PTPRD: variants seen among roughly 807,000 people sequenced by gnomAD.
The protein encoded by PTPRD is protein tyrosine phosphatase receptor type D.
In PTPRD, 34 loss-of-function variants were observed where a neutral mutation model predicts 214.5. That is an observed-to-expected ratio of 0.16 (90% CI 0.12 to 0.21). The LOEUF (loss-of-function observed/expected upper bound fraction) is 0.21, where lower values mean the gene tolerates loss of function less well. PTPRD is among the 10% of genes least tolerant of loss of function. The pLI is 1.00. For synonymous variants in PTPRD, 1,128 were observed against 845.7 expected (o/e 1.33, Z -5.79); for missense variants, 2,545 against 2,398.7 (o/e 1.06, Z -1.27).
intron 5 of PTPRD, among the ~76,000 whole-genome samples, chr9:9,912,722 G>C (rs1378702869): frequency 6.6e-6 from 1 of 152,110 alleles, no homozygotes; most frequent in Non-Finnish European, 1.5e-5. Context: ...ATAAAATGAT[G>C]TCAGAAGCCA....
intron 8 of PTPRD, among the ~76,000 whole-genome samples, chr9:9,411,955 C>A (rs181032146): frequency 2.2e-4 from 33 of 152,310 alleles, no homozygotes; most frequent in African/African-American, 7.7e-4. Context: ...AGTGAAGAAA[C>A]TGAGGCCAGG....
intron 3 of PTPRD, among the ~76,000 whole-genome samples, chr9:10,223,219 C>G (rs183450191): frequency 1.3e-5 from 2 of 151,992 alleles, no homozygotes; most frequent in Non-Finnish European, 2.9e-5. Flanking sequence ...TCCCCCTTCT[C>G]CCCTTCCTCT....
At chr9:8,726,045 AC>A (rs1164406473) in intron 12 of PTPRD, among the ~76,000 whole-genome samples, 186 of 147,106 alleles carry the variant, frequency 1.3e-3, no homozygotes, top group Admixed American at 3.9e-3. Context: ...ACACACACAC[AC>A]ACACACACAC....
At chr9:10,116,281 G>A (rs149030431) in intron 3 of PTPRD, among the ~76,000 whole-genome samples, 2 of 152,148 alleles carry the variant, frequency 1.3e-5, no homozygotes, top group African/African-American at 4.8e-5. Context: ...TAGTGTTTAT[G>A]CTTCTATTGC....
intron 8 of PTPRD, among the ~76,000 whole-genome samples, chr9:9,427,969 T>C (rs2081618898): frequency 6.6e-6 from 1 of 152,122 alleles, no homozygotes; most frequent in Admixed American, 6.5e-5. Context: ...TGCCGAATTG[T>C]AAAGACCATC....
intron 2 of PTPRD, among the ~76,000 whole-genome samples, chr9:10,507,262 T>C (rs201160448): frequency 3.3e-5 from 5 of 151,974 alleles, no homozygotes; most frequent in African/African-American, 7.2e-5. Flanking sequence ...ACCTCTTCAA[T>C]GATAACTACA....
At chr9:9,776,649 T>G (rs774960289) in intron 5 of PTPRD, among the ~76,000 whole-genome samples, 76 of 152,194 alleles carry the variant, frequency 5.0e-4, no homozygotes, top group Non-Finnish European at 7.6e-4. Context: ...AAAAAGAACA[T>G]GCTAGTTTAA....
At chr9:9,163,017 G>C (rs973394458) in intron 10 of PTPRD, among the ~76,000 whole-genome samples, 1 of 151,822 alleles carries the variant, frequency 6.6e-6, no homozygotes, top group East Asian at 1.9e-4. Flanking sequence ...GCCTCCTTCC[G>C]CACCAGCTTC....
At chr9:9,513,046 A>G (rs180676480) in intron 8 of PTPRD, among the ~76,000 whole-genome samples, 106 of 152,010 alleles carry the variant, frequency 7.0e-4, no homozygotes, top group Admixed American at 5.3e-3. Context: ...CACATCTACT[A>G]CTGGCCTGTA....
chr9:8,347,123 C>T (rs974220112), intron 39 of PTPRD, among the ~76,000 whole-genome samples: 11 of 152,006 alleles, frequency 7.2e-5, no homozygotes, highest in Non-Finnish European at 1.2e-4. Context: ...TGCTGGTGAT[C>T]GTCTCTCTCT....
chr9:10,561,672 T>C (rs1351938109), intron 2 of PTPRD, among the ~76,000 whole-genome samples: 1 of 152,164 alleles, frequency 6.6e-6, no homozygotes, highest in African/African-American at 2.4e-5. Context: ...GTCTTCATTT[T>C]CTATTTTGTG....
rs1166180952 is a variant in PTPRD at position 8,795,765 on chromosome 9, TAA to T, written c.-103-61821_-103-61820del. ...TATGAAGTGGAAACGCGTAAAATTC[TAA>T]AGTCAAAGTTATCTAAAGCAATCTA... On this transcript the variant is annotated intron_variant, in intron 11 of 45. Transcript: ENST00000381196. 5.9e-5 allele frequency among the ~76,000 whole-genome samples: 9 copies of T among 152,220 alleles called. No individual in the cohort carries two copies. In the South Asian group the frequency reaches 1.7e-3, roughly 28 times the overall value.
chr9:9,802,655 A>T (rs868852704), intron 5 of PTPRD, among the ~76,000 whole-genome samples: 9 of 151,710 alleles, frequency 5.9e-5, no homozygotes, highest in Admixed American at 1.3e-4. Flanking sequence ...TTTTTTTTTA[A>T]AAAAAATTCA....
intron 12 of PTPRD, among the ~76,000 whole-genome samples, chr9:8,675,559 A>C (rs1386241847): frequency 1.3e-5 from 2 of 149,986 alleles, no homozygotes; most frequent in Admixed American, 6.7e-5. Context: ...AAAAAAAAAA[A>C]AAAACCTCAC....
chr9:9,040,284 G>A (rs958764852), intron 10 of PTPRD, among the ~76,000 whole-genome samples: 2 of 152,092 alleles, frequency 1.3e-5, no homozygotes, highest in African/African-American at 2.4e-5. Flanking sequence ...TTTACACTAT[G>A]GTATTTTCAC....
At chr9:9,086,356 T>C (rs2099767017) in intron 10 of PTPRD, among the ~76,000 whole-genome samples, 3 of 152,168 alleles carry the variant, frequency 2.0e-5, no homozygotes, top group Non-Finnish European at 4.4e-5. Flanking sequence ...GGGCAGCCTA[T>C]TGTGTCATGC....
At chr9:10,456,019 T>C (rs1355433753) in intron 2 of PTPRD, among the ~76,000 whole-genome samples, 1 of 151,760 alleles carries the variant, frequency 6.6e-6, no homozygotes, top group Non-Finnish European at 1.5e-5. Flanking sequence ...CAACCCAAAA[T>C]TGTTTATGCC....
At chr9:8,819,533 T>C (rs1488282166) in intron 11 of PTPRD, among the ~76,000 whole-genome samples, 1 of 151,996 alleles carries the variant, frequency 6.6e-6, no homozygotes, top group Non-Finnish European at 1.5e-5. Context: ...AGGTGGCACA[T>C]GCCTGTAGTC....
At chr9:9,777,301 A>G (rs1597490387) in intron 5 of PTPRD, among the ~76,000 whole-genome samples, 1 of 151,174 alleles carries the variant, frequency 6.6e-6, no homozygotes, top group South Asian at 2.1e-4. Flanking sequence ...CATCCCCAAC[A>G]CAAATAAAAA....
Sources: gnomAD v4.1 joint callset for allele counts (sites outside exome capture counted in the v4.1 genomes callset) on GRCh38, gnomAD v4.1.1 for gene constraint, MANE v1.5 for transcripts, NCBI Gene and HGNC (gene_info 2026-07-23, HGNC 2026-07-21) for gene names.